The following DLGAP2 variants were observed in gnomAD, a reference collection of about 807,000 sequenced individuals.
DLGAP2 encodes the protein disks large-associated protein 2.
DLGAP2 carries 26 observed loss-of-function variants against 100.3 expected under a neutral mutation model. The observed-to-expected ratio is 0.26, with a 90% CI of 0.19 to 0.36. The LOEUF (loss-of-function observed/expected upper bound fraction) is 0.36, where lower values mean the gene tolerates loss of function less well. DLGAP2 is among the 10% of genes least tolerant of loss of function. The probability of loss-of-function intolerance (pLI) is 1.00; values close to 1 mark genes in which losing one functional copy is unlikely to be tolerated. For missense variants in DLGAP2, 1,858 were observed against 1,453.2 expected, an observed-to-expected ratio of 1.28 and a Z score of -4.53; for synonymous variants, 886 against 630.1, an observed-to-expected ratio of 1.41 and a Z score of -6.08.
intron 2 of DLGAP2, among the ~76,000 whole-genome samples, chr8:1,158,035 C>G (rs1053400658): frequency 2.0e-5 from 3 of 152,242 alleles, no homozygotes; most frequent in Admixed American, 6.5e-5. Flanking sequence ...TAAATCATGG[C>G]CCACCCTAGC....
intron 3 of DLGAP2, among the ~76,000 whole-genome samples, chr8:1,371,675 T>A (rs2129708962): frequency 6.6e-6 from 1 of 152,352 alleles, no homozygotes; most frequent in Non-Finnish European, 1.5e-5. Flanking sequence ...AATAAATCAT[T>A]GCTAACAGGA....
At chr8:1,332,425 G>A (rs948680418) in intron 3 of DLGAP2, among the ~76,000 whole-genome samples, 1 of 152,094 alleles carries the variant, frequency 6.6e-6, no homozygotes, top group Non-Finnish European at 1.5e-5. Flanking sequence ...GCGTGTGTCA[G>A]TGTATATATG....
intron 3 of DLGAP2, among the ~76,000 whole-genome samples, chr8:1,417,449 T>C (rs1796931105): frequency 1.3e-5 from 2 of 152,218 alleles, no homozygotes; most frequent in Non-Finnish European, 2.9e-5. Context: ...ACTTCAGCTC[T>C]TTGTGTTCTC....
intron 2 of DLGAP2, among the ~76,000 whole-genome samples, chr8:1,075,436 G>T (rs1280198515): frequency 6.6e-6 from 1 of 152,112 alleles, no homozygotes; most frequent in African/African-American, 2.4e-5. Context: ...CAATGGGCTT[G>T]TTTCTGTGGG....
chr8:1,604,843 TA>T (rs1796745555), intron 6 of DLGAP2: 1 of 151,908 alleles, frequency 6.6e-6, no homozygotes, highest in African/African-American at 2.4e-5. Flanking sequence ...TAGATGTAAA[TA>T]ATAATGAAGA....
intron 2 of DLGAP2, among the ~76,000 whole-genome samples, chr8:947,185 T>A (rs530361492): frequency 8.2e-4 from 125 of 152,292 alleles, no homozygotes; most frequent in Admixed American, 2.4e-3. Flanking sequence ...TTGTTCTTAC[T>A]GTAAGAACAA....
intron 8 of DLGAP2, among the ~76,000 whole-genome samples, chr8:1,652,252 G>A (rs1374788319): frequency 6.6e-6 from 1 of 152,194 alleles, no homozygotes; most frequent in African/African-American, 2.4e-5. Context: ...CCTGGAGTGT[G>A]TGTGAGCCCA....
At chr8:1,284,893 C>A (rs778593605) in intron 3 of DLGAP2, among the ~76,000 whole-genome samples, 2 of 152,222 alleles carry the variant, frequency 1.3e-5, no homozygotes, top group Non-Finnish European at 1.5e-5. Context: ...CTTCTTTTCT[C>A]CTCATTCTTG....
chr8:1,666,679 C>CAAA (rs1242127349), intron 8 of DLGAP2, among the ~76,000 whole-genome samples: 1 of 122,512 alleles, frequency 8.2e-6, no homozygotes. Flanking sequence ...GACTCCATCT[C>CAAA]AAAAAAAAAA....
chr8:1,516,902 T>C (rs776784915), intron 4 of DLGAP2, among the ~76,000 whole-genome samples: 4 of 152,222 alleles, frequency 2.6e-5, no homozygotes, highest in Admixed American at 2.6e-4. Flanking sequence ...GATGAGGAGA[T>C]ATGTTTTGTT....
intron 4 of DLGAP2, among the ~76,000 whole-genome samples, chr8:1,514,248 T>G (rs1477971874): frequency 2.0e-5 from 3 of 152,360 alleles, no homozygotes; most frequent in African/African-American, 7.2e-5. Context: ...TCTGCCTGAA[T>G]TTAAATGCAA....
At chr8:1,139,442 G>T (rs1796482597) in intron 2 of DLGAP2, among the ~76,000 whole-genome samples, 1 of 152,192 alleles carries the variant, frequency 6.6e-6, no homozygotes. Flanking sequence ...TGGTGTCCTG[G>T]CTCACAGATA....
intron 2 of DLGAP2, among the ~76,000 whole-genome samples, chr8:973,337 A>T (rs1490975033): frequency 6.9e-6 from 1 of 144,544 alleles, no homozygotes; most frequent in Non-Finnish European, 1.5e-5. Context: ...CCGGGCGGAG[A>T]CGCTCCTCAC....
chr8:860,022 T>C (rs1797360009), intron 1 of DLGAP2, among the ~76,000 whole-genome samples: 1 of 152,232 alleles, frequency 6.6e-6, no homozygotes, highest in African/African-American at 2.4e-5. Flanking sequence ...AAGTTACTGC[T>C]AATTAAGATG....
At chr8:1,182,979 G>C (rs970598087) in intron 2 of DLGAP2, among the ~76,000 whole-genome samples, 7 of 152,196 alleles carry the variant, frequency 4.6e-5, no homozygotes, top group African/African-American at 1.4e-4. Context: ...GTAGACATTC[G>C]AGCGAGCTGG....
intron 1 of DLGAP2, among the ~76,000 whole-genome samples, chr8:749,669 C>T (rs1176507492): frequency 6.6e-6 from 1 of 152,024 alleles, no homozygotes; most frequent in Admixed American, 6.6e-5. Flanking sequence ...AAATGTAGAT[C>T]TTTTTTTTCT....
At chr8:1,139,889 A>T (rs1378674880) in intron 2 of DLGAP2, among the ~76,000 whole-genome samples, 1 of 151,972 alleles carries the variant, frequency 6.6e-6, no homozygotes, top group African/African-American at 2.4e-5. Context: ...GGTGAGGGAA[A>T]TCGGGGGGAA....
intron 1 of DLGAP2, among the ~76,000 whole-genome samples, chr8:799,966 C>T (rs1360947073): frequency 2.0e-5 from 3 of 152,192 alleles, no homozygotes; most frequent in African/African-American, 7.2e-5. Flanking sequence ...ATTGGATTCG[C>T]ATTTCTAGTG....
intron 2 of DLGAP2, among the ~76,000 whole-genome samples, chr8:1,191,389 C>T (rs554706267): frequency 3.9e-5 from 6 of 152,120 alleles, no homozygotes; most frequent in Admixed American, 6.5e-5. Context: ...CCAGGATGGT[C>T]TTGATCTCCT....
Sources: gnomAD v4.1 joint callset for allele counts (sites outside exome capture counted in the v4.1 genomes callset) on GRCh38, gnomAD v4.1.1 for gene constraint, MANE v1.5 for transcripts, NCBI Gene and HGNC (gene_info 2026-07-23, HGNC 2026-07-21) for gene names.